RBFOX3: variants seen among roughly 807,000 people sequenced by gnomAD.
RBFOX3 encodes the protein RNA binding fox-1 homolog 3.
In RBFOX3, 17 loss-of-function variants were observed where a neutral mutation model predicts 48.7. The observed-to-expected ratio is 0.35, with a 90% CI of 0.24 to 0.52. The LOEUF (loss-of-function observed/expected upper bound fraction) is 0.52, where lower values mean the gene tolerates loss of function less well. Ranked by LOEUF, RBFOX3 falls within the 20% of genes least tolerant of loss-of-function variation. The pLI, the probability that RBFOX3 is intolerant of heterozygous loss-of-function variation, is 0.94. For missense variants in RBFOX3, 382 were observed against 497.5 expected (o/e 0.77, Z 2.21); for synonymous variants, 212 against 209.5 (o/e 1.01, Z -0.10).
chr17:79,475,425 T>A (rs2077590776), intron 2 of RBFOX3, among the ~76,000 whole-genome samples: 1 of 152,130 alleles, frequency 6.6e-6, no homozygotes, highest in Non-Finnish European at 1.5e-5. Flanking sequence ...GGATGAGTCG[T>A]GGGCTGTAGA....
At chr17:79,190,041 T>A (rs951151615) in intron 4 of RBFOX3, among the ~76,000 whole-genome samples, 2 of 152,212 alleles carry the variant, frequency 1.3e-5, no homozygotes, top group South Asian at 4.1e-4. Context: ...TCACTCTTGG[T>A]ACCCCCACTT....
At chr17:79,448,723 C>T (rs553174402) in intron 2 of RBFOX3, among the ~76,000 whole-genome samples, 47 of 152,270 alleles carry the variant, frequency 3.1e-4, no homozygotes, top group African/African-American at 1.1e-3. Flanking sequence ...TACAGACATA[C>T]TCAAGGACTG....
intron 4 of RBFOX3, among the ~76,000 whole-genome samples, chr17:79,206,426 T>A (rs1599974403): frequency 1.3e-5 from 2 of 151,904 alleles, no homozygotes; most frequent in African/African-American, 4.8e-5. Context: ...GTGTGAGGAG[T>A]CTCCGGCAAG....
At chr17:79,121,122 C>A (rs1034629310) in intron 4 of RBFOX3, among the ~76,000 whole-genome samples, 3 of 152,104 alleles carry the variant, frequency 2.0e-5, no homozygotes, top group Non-Finnish European at 4.4e-5. Context: ...CATCCACATT[C>A]ACCTGCCCAC....
intron 2 of RBFOX3, among the ~76,000 whole-genome samples, chr17:79,322,259 GGA>G (rs56112605): frequency 3.3e-5 from 5 of 151,164 alleles, no homozygotes; most frequent in Non-Finnish European, 7.4e-5. Flanking sequence ...AGGAAAGAAG[GGA>G]GAGAGAGAGG....
intron 4 of RBFOX3, among the ~76,000 whole-genome samples, chr17:79,201,434 G>A (rs1191593707): frequency 1.3e-5 from 2 of 149,824 alleles, no homozygotes; most frequent in Non-Finnish European, 1.5e-5. Flanking sequence ...GTGGCCTGCT[G>A]TGAGCTCAGG....
At chr17:79,233,595 T>C (rs867059349) in intron 4 of RBFOX3, 1 of 152,088 alleles carries the variant, frequency 6.6e-6, no homozygotes, top group Non-Finnish European at 1.5e-5. Flanking sequence ...CATTCTTACA[T>C]AGAGTGCAAA....
intron 2 of RBFOX3, among the ~76,000 whole-genome samples, chr17:79,318,378 A>G (rs1249316074): frequency 6.6e-6 from 1 of 152,142 alleles, no homozygotes; most frequent in Non-Finnish European, 1.5e-5. Flanking sequence ...GGTCTGGGAA[A>G]TACAAACAGC....
intron 4 of RBFOX3, among the ~76,000 whole-genome samples, chr17:79,182,546 G>A (rs111499752): frequency 0.033 from 4,753 of 144,270 alleles, 104 homozygotes; most frequent in Non-Finnish European, 0.048. Flanking sequence ...CCAACGCCCC[G>A]GCCGGCCGGC....
At chr17:79,403,181 G>A (rs2063042844) in intron 2 of RBFOX3, among the ~76,000 whole-genome samples, 1 of 152,108 alleles carries the variant, frequency 6.6e-6, no homozygotes, top group Non-Finnish European at 1.5e-5. Flanking sequence ...GCTTGGGGAG[G>A]GGCGGTGAAA....
chr17:79,510,317 T>C (rs1440873621), intron 1 of RBFOX3, among the ~76,000 whole-genome samples: 1 of 152,166 alleles, frequency 6.6e-6, no homozygotes, highest in Non-Finnish European at 1.5e-5. Context: ...CTTTAAATAC[T>C]TTGTACCTGA....
the RBFOX3 span, among the ~76,000 whole-genome samples, chr17:79,664,276 G>A: frequency 1.3e-5 from 2 of 151,358 alleles, no homozygotes; most frequent in African/African-American, 4.9e-5. Flanking sequence ...CCAGATTCAA[G>A]CAATTCTCCT....
At chr17:79,583,821 C>T (rs1406730202) in intron 1 of RBFOX3, among the ~76,000 whole-genome samples, 1 of 152,208 alleles carries the variant, frequency 6.6e-6, no homozygotes, top group Non-Finnish European at 1.5e-5. Context: ...AGGCAGGAGG[C>T]CGCGGCCATG....
intron 4 of RBFOX3, among the ~76,000 whole-genome samples, chr17:79,190,414 C>CAAAA (rs71161650): frequency 1.1e-5 from 1 of 93,520 alleles, no homozygotes; most frequent in African/African-American, 4.1e-5. Context: ...TCTGTCTCAC[C>CAAAA]AAAAAAAAAA....
chr17:79,101,775 T>C (rs1189556992), intron 8 of RBFOX3, 131 bp from the exon 9 acceptor site: 7 of 823,402 alleles, frequency 8.5e-6, no homozygotes, highest in Non-Finnish European at 1.2e-5. Flanking sequence ...TCCACCATGC[T>C]GCCTGCCCTC....
At chr17:79,563,142 GCCAACAGGATCAATAGC>G (rs1374227211) in intron 1 of RBFOX3, among the ~76,000 whole-genome samples, 2 of 151,928 alleles carry the variant, frequency 1.3e-5, no homozygotes, top group African/African-American at 4.8e-5. Flanking sequence ...CAGAAAACAA[GCCAACAGGATCAATAGC>G]CCACAAAAAC....
At chr17:79,625,733 A>T in the RBFOX3 span, among the ~76,000 whole-genome samples, 1 of 152,192 alleles carries the variant, frequency 6.6e-6, no homozygotes, top group African/African-American at 2.4e-5. Context: ...TGGAAGTTGC[A>T]GTGAGCCGAA....
the RBFOX3 span, among the ~76,000 whole-genome samples, chr17:79,626,780 C>T: frequency 2.7e-4 from 41 of 152,312 alleles, no homozygotes; most frequent in East Asian, 5.4e-3. Context: ...GGGCCGACAC[C>T]CTTAGGATGG....
chr17:79,212,710 G>T lies in RBFOX3; in HGVS notation c.-34+23056C>A, dbSNP rs1254617931. ...GCTGACAGTCCCCACACTACCACTT[G>T]TTTCCCCTTTTGTCCTAGAATGAGA... is the stretch of plus-strand genomic sequence containing the variant. On this transcript the variant is annotated intron_variant, in intron 4 of 14. Transcript: ENST00000693108. The surrounding 1 kb of genome is among the most constrained non-coding windows in gnomAD (Gnocchi z 4.7). Among the ~76,000 whole-genome samples the T allele has an allele frequency of 1.3e-5, 2 of 152,148 alleles. No individual in the cohort carries two copies. Among genetic ancestry groups the T allele is most frequent in the Non-Finnish European group, 2.9e-5 (2 of 68,034 alleles).
Sources: gnomAD v4.1 joint callset for allele counts (sites outside exome capture counted in the v4.1 genomes callset) on GRCh38, gnomAD v4.1.1 for gene constraint, Gnocchi (gnomAD v3.1) non-coding constraint, MANE v1.5 for transcripts, NCBI Gene and HGNC (gene_info 2026-07-23, HGNC 2026-07-21) for gene names.